The following NRG1 variants were observed in gnomAD, a reference collection of about 807,000 sequenced individuals.
NRG1 encodes the protein neuregulin 1, also known as pro-neuregulin-1, membrane-bound isoform.
A neutral mutation model predicts 63.8 loss-of-function variants in NRG1; 18 were observed. That is an observed-to-expected ratio of 0.28 (90% CI 0.19 to 0.42). The LOEUF is 0.42. Ranked by LOEUF, NRG1 falls within the 10% of genes least tolerant of loss-of-function variation. The pLI is 1.00. For missense variants in NRG1, 762 were observed against 814.7 expected, an observed-to-expected ratio of 0.94 and a Z score of 0.79; for synonymous variants, 302 against 301.3, an observed-to-expected ratio of 1.00 and a Z score of -0.02.
chr8:31,845,220 T>C (rs1257781905), intron 1 of NRG1, among the ~76,000 whole-genome samples: 1 of 152,194 alleles, frequency 6.6e-6, no homozygotes, highest in Non-Finnish European at 1.5e-5. Context: ...TTATATTTTA[T>C]GGTTAGATAC....
intron 1 of NRG1, among the ~76,000 whole-genome samples, chr8:32,336,543 AACAAAG>A (rs1803291926): frequency 6.6e-6 from 1 of 152,222 alleles, no homozygotes; most frequent in African/African-American, 2.4e-5. Context: ...AATGAAAAAG[AACAAAG>A]AGACCCAAGA....
chr8:32,633,341 C>G (rs1385431464), intron 5 of NRG1, among the ~76,000 whole-genome samples: 1 of 152,084 alleles, frequency 6.6e-6, no homozygotes, highest in African/African-American at 2.4e-5. Flanking sequence ...TTGATGGTTA[C>G]CGAGAATGGA....
At chr8:31,911,996 T>G (rs1472861330) in intron 1 of NRG1, among the ~76,000 whole-genome samples, 2 of 152,208 alleles carry the variant, frequency 1.3e-5, no homozygotes, top group African/African-American at 4.8e-5. Flanking sequence ...GGCATGTCAC[T>G]TAACCATTCT....
intron 1 of NRG1, among the ~76,000 whole-genome samples, chr8:31,859,050 G>C (rs534419297): frequency 6.6e-6 from 1 of 152,264 alleles, no homozygotes; most frequent in African/African-American, 2.4e-5. Context: ...TGGCAAAAAA[G>C]TGTTGATTGT....
intron 1 of NRG1, among the ~76,000 whole-genome samples, chr8:31,917,049 G>T (rs1458124206): frequency 2.0e-5 from 3 of 151,150 alleles, no homozygotes; most frequent in South Asian, 2.1e-4. Context: ...TTTTGATGTG[G>T]TTGTTTGTTT....
chr8:31,790,208 G>T (rs867735364), intron 1 of NRG1, among the ~76,000 whole-genome samples: 1 of 152,174 alleles, frequency 6.6e-6, no homozygotes, highest in African/African-American at 2.4e-5. Flanking sequence ...GCTTAGTGAA[G>T]AAGGGATCTT....
In NRG1 at chr8:31,705,239, G is replaced by A. The variant is rs187801361; in HGVS notation, c.37+65808G>A. On this transcript the variant is annotated intron_variant, in intron 1 of 10. Transcript: ENST00000519301. ...TTATTTTTATTTTTAGTAGAGTTGG[G>A]GTTTCACCATGTTGGCCAGGATGGT... 1.1e-3 allele frequency among the ~76,000 whole-genome samples: 160 copies of A among 152,088 alleles called. 2 individuals carry two copies. Among genetic ancestry groups the A allele is most frequent in the Admixed American group, 5.8e-3 (88 of 15,284 alleles).
At chr8:32,760,446 A>G (rs1275145381) in intron 11 of NRG1, 40 bp downstream of exon 11, 15 of 1,610,322 alleles carry the variant, frequency 9.3e-6, no homozygotes, top group Non-Finnish European at 1.3e-5. Context: ...GGAGAAACTC[A>G]GTCAGAGAAT....
intron 1 of NRG1, among the ~76,000 whole-genome samples, chr8:32,123,695 A>G (rs937561086): frequency 2.1e-4 from 32 of 150,658 alleles, no homozygotes; most frequent in African/African-American, 7.5e-4. Context: ...TCTAAAAATT[A>G]TATTTTTAAG....
intron 5 of NRG1, among the ~76,000 whole-genome samples, chr8:32,659,245 A>G (rs1802269797): frequency 6.6e-6 from 1 of 151,384 alleles, no homozygotes. Flanking sequence ...CCTGGGTTAA[A>G]CCATTCTCCT....
chr8:32,013,439 C>G (rs1815049774), intron 1 of NRG1, among the ~76,000 whole-genome samples: 1 of 152,078 alleles, frequency 6.6e-6, no homozygotes, highest in Non-Finnish European at 1.5e-5. Context: ...AGCATGCCTG[C>G]TAATAACTGG....
chr8:32,194,509 G>A (rs1842785280), intron 1 of NRG1, among the ~76,000 whole-genome samples: 1 of 151,954 alleles, frequency 6.6e-6, no homozygotes, highest in South Asian at 2.1e-4. Context: ...CTATTTCCAT[G>A]TACTATTAGC....
chr8:32,575,494 C>T (rs1235494348), intron 1 of NRG1, among the ~76,000 whole-genome samples: 6 of 151,632 alleles, frequency 4.0e-5, no homozygotes, highest in Non-Finnish European at 8.8e-5. Flanking sequence ...GGAGATAGGG[C>T]ATGAGTAAAG....
In NRG1 at chr8:31,952,413, T is replaced by C. The variant is rs372506580; in HGVS notation, c.37+312982T>C. 3.3e-5 allele frequency among the ~76,000 whole-genome samples: 5 copies of C among 152,306 alleles called. No homozygotes were observed. In the East Asian group the frequency reaches 9.7e-4, roughly 29 times the overall value. ...TCAGAGAAGAAGCAAAATTTGTGGT[T>C]GGGGTGATACAATGAATGAGTACTA... On this transcript the variant is annotated intron_variant, in intron 1 of 10. Transcript: ENST00000519301.
chr8:32,678,773 C>G (rs1807846907), intron 5 of NRG1, among the ~76,000 whole-genome samples: 1 of 152,152 alleles, frequency 6.6e-6, no homozygotes. Flanking sequence ...ATGTGAAAGA[C>G]AGATTATCAC....
chr8:31,804,625 G>C (rs1241041594), intron 1 of NRG1, among the ~76,000 whole-genome samples: 1 of 152,124 alleles, frequency 6.6e-6, no homozygotes, highest in Non-Finnish European at 1.5e-5. Context: ...AAGCCTGTAG[G>C]GGGAGGCCTG....
chr8:32,605,948 A>C (rs1163389279), intron 3 of NRG1, among the ~76,000 whole-genome samples: 1 of 151,946 alleles, frequency 6.6e-6, no homozygotes, highest in Non-Finnish European at 1.5e-5. Context: ...GGGTTGCTAA[A>C]ATATAGGGGC....
At chr8:31,900,738 C>T (rs1285408859) in intron 1 of NRG1, among the ~76,000 whole-genome samples, 3 of 152,178 alleles carry the variant, frequency 2.0e-5, no homozygotes, top group East Asian at 1.9e-4. Context: ...CCCTTTTCCC[C>T]GTCTCAAGCA....
intron 1 of NRG1, among the ~76,000 whole-genome samples, chr8:32,220,491 A>G (rs936193824): frequency 1.3e-5 from 2 of 152,164 alleles, no homozygotes; most frequent in Non-Finnish European, 2.9e-5. Flanking sequence ...AATATCGGTT[A>G]GTAGCTTGGG....
Sources: allele counts gnomAD v4.1 joint callset (sites outside exome capture counted in the v4.1 genomes callset), GRCh38; gene constraint gnomAD v4.1.1; transcripts MANE v1.5; gene names NCBI Gene and HGNC (gene_info 2026-07-23, HGNC 2026-07-21).